Variants in SYT12 observed in about 807,000 individuals in gnomAD.
SYT12 encodes synaptotagmin 12, also known as synaptotagmin-12.
In SYT12, 27 loss-of-function variants were observed where a neutral mutation model predicts 39.5. That is an observed-to-expected ratio of 0.68 (90% CI 0.50 to 0.94). The LOEUF (loss-of-function observed/expected upper bound fraction) is 0.94. Among genes scored for constraint, SYT12 ranks in the 40% least tolerant of loss-of-function variants. SYT12 has a pLI of 0.00. For synonymous variants in SYT12, 233 were observed against 239.7 expected, an observed-to-expected ratio of 0.97 and a Z score of 0.26; for missense variants, 536 against 572.6, an observed-to-expected ratio of 0.94 and a Z score of 0.65.
intron 6 of SYT12, among the ~76,000 whole-genome samples, chr11:67,045,470 C>T (rs1253583945): frequency 6.6e-6 from 1 of 152,200 alleles, no homozygotes; most frequent in Non-Finnish European, 1.5e-5. Flanking sequence ...CACGGTGGGG[C>T]TGCTGAGTTC....
intron 3 of SYT12, among the ~76,000 whole-genome samples, chr11:67,017,669 A>G (rs1950068772): frequency 6.6e-6 from 1 of 151,316 alleles, no homozygotes; most frequent in Admixed American, 6.6e-5. Flanking sequence ...CACAACAAAA[A>G]ATTTTAAAGG....
rs960794791 is a variant in SYT12, at chr11:67,032,174, T to A, written c.34+1996T>A. 10 of 152,250 alleles carry A rather than the reference T, an allele frequency of 6.6e-5. No homozygotes were observed. The East Asian group carries it at 1.7e-3, about 26-fold the overall frequency. 9.4% of individuals were successfully genotyped at this position (152,250 alleles called of 1,614,324 possible). A position where few individuals can be genotyped will look rare whatever the true frequency, so the allele number is the denominator to read the frequency against. ...TTAGACCATGTTGGGGATTCATTTT[T>A]TTCCTCTCTTAACAATGCCAGAAAT... On this transcript the variant is annotated intron_variant, in intron 2 of 7. Transcript: ENST00000527043.
At chr11:67,041,398 G>A (rs550038626) in intron 4 of SYT12, among the ~76,000 whole-genome samples, 2 of 152,146 alleles carry the variant, frequency 1.3e-5, no homozygotes, top group South Asian at 4.2e-4. Flanking sequence ...ATGAACTCAG[G>A]AGGCGGAGGT....
At chr11:67,046,293 C>T (rs985019957) in intron 7 of SYT12, among the ~76,000 whole-genome samples, 5 of 152,172 alleles carry the variant, frequency 3.3e-5, no homozygotes, top group African/African-American at 9.7e-5. Context: ...CCCAGGTTCG[C>T]GTGGTCTTCA....
At chr11:67,030,465 C>T in intron 2 of SYT12, 1 of 403,020 alleles carries the variant, frequency 2.5e-6, no homozygotes, top group Non-Finnish European at 4.5e-6. Flanking sequence ...TCCTGCTGCA[C>T]CCTGGGGATG....
Position 67,040,072 on chromosome 11 carries a change from A to G in SYT12, c.490A>G (p.Thr164Ala). 2 of 1,613,926 alleles carry G rather than the reference A, an allele frequency of 1.2e-6. No homozygotes were observed. Among genetic ancestry groups the G allele is most frequent in the South Asian group, 1.1e-5 (1 of 91,088 alleles). ...GGTGGAGGTGAGCATGGAGTACGAC[A>G]CTGCCTCCCACACGCTGAACGTGGC... ...GQVEVSMEYD[T>A]ASHTLNVAVM... Residue 164 changes from threonine to alanine, a missense_variant, in exon 4 of 8, where the codon ACT becomes GCT. By Grantham distance (58) the Thr-to-Ala change is moderately conservative. Transcript: ENST00000527043.
chr11:67,010,652 G>A (rs1438259842), intron 2 of SYT12, among the ~76,000 whole-genome samples: 1 of 152,206 alleles, frequency 6.6e-6, no homozygotes, highest in South Asian at 2.1e-4. Flanking sequence ...GCTTATGCCA[G>A]TGAGGCCCTG....
At chr11:67,038,680 AATATAC>A (rs1479780856) in intron 3 of SYT12, among the ~76,000 whole-genome samples, 4 of 152,150 alleles carry the variant, frequency 2.6e-5, no homozygotes, top group Non-Finnish European at 5.9e-5. Context: ...TGTCCCTACA[AATATAC>A]ATATTAAGAA....
In SYT12 at chr11:67,048,725, G is replaced by C; in HGVS notation, c.1234G>C (p.Val412Leu). Residue 412 changes from valine (V) to leucine (L), a missense_variant, in exon 8 of 8, where the codon GTG (valine) becomes CTG (leucine). By Grantham distance (32) the Val-to-Leu change is conservative. Transcript: ENST00000527043. Reference sequence around the variant, plus strand: ...GATGTTGGCCACGCTGCGCAGGCCCGTGTCCATGTGGCACGCTGTCCGGCG... The same window carrying C: ...GATGTTGGCCACGCTGCGCAGGCCCCTGTCCATGTGGCACGCTGTCCGGCG... Reference protein sequence around the residue: ...NQMLATLRRPVSMWHAVRRN With the variant: ...NQMLATLRRPLSMWHAVRRN 6.2e-7 allele frequency: 1 copy of C among 1,602,968 alleles called. No individual in the cohort carries two copies. Among genetic ancestry groups the C allele is most frequent in the Middle Eastern group, 1.7e-4 (1 of 5,854 alleles).
intron 1 of SYT12, among the ~76,000 whole-genome samples, chr11:67,009,214 T>C (rs1050971225): frequency 6.6e-6 from 1 of 151,896 alleles, no homozygotes; most frequent in African/African-American, 2.4e-5. Flanking sequence ...CTTTGTTGTC[T>C]AGGCTGGTCC....
At chr11:67,035,844 T>TTC (rs1950365621) in intron 3 of SYT12, among the ~76,000 whole-genome samples, 1 of 101,258 alleles carries the variant, frequency 9.9e-6, no homozygotes, top group African/African-American at 4.4e-5. Context: ...CTTCCTTTCT[T>TTC]TCTTTCTTTC....
chr11:67,031,955 C>T (rs566296034), intron 2 of SYT12: 2 of 152,250 alleles, frequency 1.3e-5, no homozygotes, highest in African/African-American at 4.8e-5. Flanking sequence ...GGGCGGGGCC[C>T]GGGAGCCTCC....
upstream of SYT12, among the ~76,000 whole-genome samples, chr11:67,020,588 G>A (rs560784268): frequency 3.9e-5 from 6 of 152,236 alleles, no homozygotes; most frequent in South Asian, 6.2e-4. Context: ...GCATCCTCCC[G>A]TAGGCCCCTC....
chr11:67,043,358 T>C (rs1475782369), intron 4 of SYT12, among the ~76,000 whole-genome samples: 1 of 152,178 alleles, frequency 6.6e-6, no homozygotes, highest in Non-Finnish European at 1.5e-5. Flanking sequence ...CCAGGGCATC[T>C]TGAGGGTTCT....
chr11:67,030,438 C>T (rs569958907), intron 2 of SYT12: 2 of 481,264 alleles, frequency 4.2e-6, no homozygotes, highest in Admixed American at 3.8e-5. Context: ...TTGAAAGGGT[C>T]CCCGGGGAGA....
chr11:67,014,218 CT>C (rs780866731), intron 3 of SYT12, among the ~76,000 whole-genome samples: 28 of 152,220 alleles, frequency 1.8e-4, no homozygotes, highest in African/African-American at 6.8e-4. Context: ...TCAGATGTAT[CT>C]TTTTGGGGGG....
At chr11:67,043,890 G>T in intron 5 of SYT12, 37 bp downstream of exon 5, 1 of 1,580,630 alleles carries the variant, frequency 6.3e-7, no homozygotes, top group Non-Finnish European at 8.7e-7. Context: ...TCGGAAGAGC[G>T]TGCACACACA....
intron 4 of SYT12, among the ~76,000 whole-genome samples, chr11:67,042,974 G>A (rs894382529): frequency 6.6e-6 from 1 of 152,170 alleles, no homozygotes; most frequent in African/African-American, 2.4e-5. Context: ...CAGCCCCCCA[G>A]CCTCAGGCAG....
intron 3 of SYT12, among the ~76,000 whole-genome samples, chr11:67,035,821 CCTTCCTTCCTTCCTTCCTTTCTTT>C (rs1375479978): frequency 1.1e-3 from 94 of 88,730 alleles, no homozygotes; most frequent in Middle Eastern, 9.2e-3. Flanking sequence ...TTCCTTCCTT[CCTTCCTTCCTTCCTTCCTTTCTTT>C]CTTTCTTTCT....
Sources: allele counts gnomAD v4.1 joint callset (sites outside exome capture counted in the v4.1 genomes callset), GRCh38; gene constraint gnomAD v4.1.1; transcripts MANE v1.5; gene names NCBI Gene and HGNC (gene_info 2026-07-23, HGNC 2026-07-21).